Variants in APBB2 observed in about 807,000 individuals in gnomAD.
APBB2 encodes the protein amyloid beta precursor protein binding family B member 2, also known as Fe65-like 1.
Under a neutral mutation model 82.5 loss-of-function variants are expected in APBB2, and 38 were observed. The ratio of observed to expected loss-of-function variants is 0.46; its 90% confidence interval spans 0.36 to 0.60. The LOEUF (loss-of-function observed/expected upper bound fraction) is 0.60. Among genes scored for constraint, APBB2 ranks in the 20% least tolerant of loss-of-function variants. APBB2 has a pLI of 0.00. For synonymous variants in APBB2, 341 were observed against 368.2 expected, an observed-to-expected ratio of 0.93 and a Z score of 0.85; for missense variants, 772 against 972.3, an observed-to-expected ratio of 0.79 and a Z score of 2.74.
intron 1 of APBB2, among the ~76,000 whole-genome samples, chr4:41,178,925 T>C (rs1221709802): frequency 1.3e-5 from 2 of 152,218 alleles, no homozygotes; most frequent in African/African-American, 4.8e-5. Context: ...TACACTTCCC[T>C]TCCACCCACC....
chr4:41,033,735 G>A (rs1195369179), intron 4 of APBB2, among the ~76,000 whole-genome samples: 1 of 151,832 alleles, frequency 6.6e-6, no homozygotes, highest in Admixed American at 6.6e-5. Context: ...AAAACAGACT[G>A]AAGAAAAAAT....
chr4:40,976,327 AT>A, intron 6 of APBB2, among the ~76,000 whole-genome samples: 1 of 152,216 alleles, frequency 6.6e-6, no homozygotes. Flanking sequence ...AATGGTGCTT[AT>A]TTTTAATTTT....
chr4:41,012,340 G>A (rs1288844448), intron 6 of APBB2, among the ~76,000 whole-genome samples: 1 of 152,152 alleles, frequency 6.6e-6, no homozygotes, highest in African/African-American at 2.4e-5. Context: ...ACTCCAGCAG[G>A]TGACAATGTC....
intron 4 of APBB2, among the ~76,000 whole-genome samples, chr4:41,036,431 C>A (rs1241857877): frequency 6.6e-6 from 1 of 152,110 alleles, no homozygotes; most frequent in Non-Finnish European, 1.5e-5. Context: ...TTATAAATAG[C>A]CCTGAGTTAT....
rs1752172586 is a variant in APBB2, at chr4:40,832,035, C to T, written c.1530-1458G>A. ...ATATACACACACACACACACACACA[C>T]ACACACACACACACACATATACACC... On this transcript the variant is annotated intron_variant, in intron 12 of 17. Coordinates refer to ENST00000508593, the MANE Select transcript of APBB2 (RefSeq NM_004307.2). This position sits in a 1 kb window ranked among gnomAD's most constrained non-coding sequence, Gnocchi z 4.8. Among the ~76,000 whole-genome samples the T allele has an allele frequency of 2.6e-5, 4 of 151,796 alleles. No individual in the cohort carries two copies. In the South Asian group the frequency reaches 6.3e-4, roughly 24 times the overall value.
At chr4:41,028,455 G>C (rs1356325586) in intron 5 of APBB2, among the ~76,000 whole-genome samples, 2 of 152,144 alleles carry the variant, frequency 1.3e-5, no homozygotes, top group Admixed American at 1.3e-4. Flanking sequence ...TCTTTTTCTT[G>C]AACTAGAAGA....
intron 7 of APBB2, among the ~76,000 whole-genome samples, chr4:40,940,061 A>T (rs1347248944): frequency 1.3e-5 from 2 of 152,164 alleles, no homozygotes; most frequent in Non-Finnish European, 2.9e-5. Context: ...GCAAATAGTT[A>T]ATGAATGTCG....
intron 12 of APBB2, among the ~76,000 whole-genome samples, chr4:40,838,573 G>A (rs943339333): frequency 6.6e-5 from 10 of 152,166 alleles, no homozygotes; most frequent in Non-Finnish European, 8.8e-5. Context: ...CTGACCTCGT[G>A]ATCCGCCTGC....
intron 12 of APBB2, among the ~76,000 whole-genome samples, chr4:40,855,328 G>T (rs1179734894): frequency 6.6e-6 from 1 of 152,298 alleles, no homozygotes; most frequent in African/African-American, 2.4e-5. Context: ...CCAGCACATG[G>T]CAAGTGTCCA....
rs894872532 is a variant in APBB2 at position 40,815,805 on chromosome 4, C to G, written c.*287G>C. On this transcript the variant is annotated 3_prime_UTR_variant, in exon 18 of 18. Coordinates refer to ENST00000508593, the MANE Select transcript of APBB2 (RefSeq NM_004307.2). The stretch of plus-strand genomic sequence containing the variant: ...AGGAGGGGTGGGGCCACACTCTTCT[C>G]TGTGTGTGTGTGAAGTTAAGTAATG... 8 of 323,036 alleles carry G rather than the reference C, an allele frequency of 2.5e-5. No individual in the cohort carries two copies. The highest frequency in any genetic ancestry group is 1.2e-4 in the African/African-American group (6 of 48,464). 20.0% of individuals were successfully genotyped at this position (323,036 alleles called of 1,614,324 possible). A position where few individuals can be genotyped will look rare whatever the true frequency, so the allele number is the denominator to read the frequency against.
chr4:40,880,073 C>G, intron 12 of APBB2: 1 of 985,376 alleles, frequency 1.0e-6, no homozygotes. Flanking sequence ...ATGACCCTTG[C>G]ATGAAAGGAC....
At chr4:41,144,309 G>GA (rs936127307) in intron 1 of APBB2, among the ~76,000 whole-genome samples, 10 of 152,038 alleles carry the variant, frequency 6.6e-5, no homozygotes, top group African/African-American at 2.2e-4. Flanking sequence ...AGGAACAGCA[G>GA]AAAAAAAGCA....
intron 1 of APBB2, among the ~76,000 whole-genome samples, chr4:41,148,083 T>A (rs966514713): frequency 3.3e-5 from 5 of 152,042 alleles, no homozygotes; most frequent in South Asian, 2.1e-4. Flanking sequence ...TAAAAAAAAA[T>A]TTTCTTTCAA....
chr4:40,891,949 T>C (rs1772151619), intron 11 of APBB2, among the ~76,000 whole-genome samples: 1 of 150,392 alleles, frequency 6.6e-6, no homozygotes, highest in Non-Finnish European at 1.5e-5. Context: ...CTGGGTTTTG[T>C]TCTTTTTTTT....
At chr4:40,905,294 C>CT (rs1776412749) in intron 10 of APBB2, among the ~76,000 whole-genome samples, 1 of 152,204 alleles carries the variant, frequency 6.6e-6, no homozygotes, top group Non-Finnish European at 1.5e-5. Context: ...GCCAGGAATA[C>CT]TAACCCCATC....
intron 2 of APBB2, among the ~76,000 whole-genome samples, chr4:41,115,617 A>T (rs1166829537): frequency 6.6e-6 from 1 of 152,200 alleles, no homozygotes; most frequent in Non-Finnish European, 1.5e-5. Flanking sequence ...GAGCTTAAAA[A>T]AATTTCCAAA....
At chr4:41,117,300 T>A (rs1156851210) in intron 2 of APBB2, among the ~76,000 whole-genome samples, 2 of 148,940 alleles carry the variant, frequency 1.3e-5, no homozygotes, top group African/African-American at 2.5e-5. Context: ...TTATTATTTT[T>A]TTTTTTTTTT....
chr4:41,065,591 A>G lies in APBB2; in HGVS notation c.-66T>C, dbSNP rs980169746. On this transcript the variant is annotated 5_prime_UTR_variant, in exon 4 of 18. Coordinates refer to ENST00000508593, the MANE Select transcript of APBB2 (RefSeq NM_004307.2). ...CCATACATACATGAGCTGCCTGGAC[A>G]ACAGTGAGCCCATAGCGACAGTCAA... The G allele has an allele frequency of 2.0e-5, 3 of 152,154 alleles. No individual in the cohort carries two copies. The highest frequency in any genetic ancestry group is 4.8e-5 in the African/African-American group (2 of 41,414). 9.4% of individuals were successfully genotyped at this position (152,154 alleles called of 1,614,324 possible). A position where few individuals can be genotyped will look rare whatever the true frequency, so the allele number is the denominator to read the frequency against.
chr4:41,166,734 A>G (rs768768659), intron 1 of APBB2, among the ~76,000 whole-genome samples: 1 of 152,104 alleles, frequency 6.6e-6, no homozygotes, highest in Non-Finnish European at 1.5e-5. Context: ...TGTCTCTACT[A>G]AAAACACAAA....
Sources: gnomAD v4.1 joint callset for allele counts (sites outside exome capture counted in the v4.1 genomes callset) on GRCh38, gnomAD v4.1.1 for gene constraint, Gnocchi (gnomAD v3.1) non-coding constraint, MANE v1.5 for transcripts, NCBI Gene and HGNC (gene_info 2026-07-23, HGNC 2026-07-21) for gene names.